The following CCDC149 variants were observed in gnomAD, a reference collection of about 807,000 sequenced individuals.
CCDC149 encodes the protein coiled-coil domain containing 149.
In CCDC149, 45 loss-of-function variants were observed where a neutral mutation model predicts 59.9. The observed-to-expected ratio is 0.75, with a 90% CI of 0.59 to 0.96. CCDC149 has a LOEUF of 0.96. Ranked by LOEUF, CCDC149 falls within the 40% of genes least tolerant of loss-of-function variation. CCDC149 has a pLI of 0.00. For missense variants in CCDC149, 584 were observed against 664.7 expected, an observed-to-expected ratio of 0.88 and a Z score of 1.33; for synonymous variants, 245 against 260.6, an observed-to-expected ratio of 0.94 and a Z score of 0.58.
chr4:24,970,091 C>T (rs373903291), intron 1 of CCDC149, among the ~76,000 whole-genome samples: 76 of 152,304 alleles, frequency 5.0e-4, no homozygotes, highest in African/African-American at 1.6e-3. Context: ...GGTGGCTGCA[C>T]TGTTATCCAG....
chr4:24,898,492 T>C (rs996927325), intron 1 of CCDC149, among the ~76,000 whole-genome samples: 1 of 152,170 alleles, frequency 6.6e-6, no homozygotes, highest in Non-Finnish European at 1.5e-5. Flanking sequence ...CTTAGGGCCA[T>C]GACTGGTCTG....
At position 24,842,762 on chromosome 4, in the gene CCDC149, A is replaced by G. The variant is rs151159776; in HGVS notation, c.373-4490T>C. ...AGTCTGTCCTCCATGAAGCCTGTCC[A>G]GGCCTCCCAAGTCAGAATGACTTGC... On this transcript the variant is annotated intron_variant, in intron 4 of 12. Transcript: ENST00000635206. Among the ~76,000 whole-genome samples, 243 of 152,294 alleles carry G rather than the reference A, an allele frequency of 1.6e-3. 1 individual carries two copies. The highest frequency in any genetic ancestry group is 5.4e-3 in the African/African-American group (225 of 41,574).
intron 1 of CCDC149, among the ~76,000 whole-genome samples, chr4:24,901,827 T>C (rs1721190048): frequency 6.6e-6 from 1 of 152,184 alleles, no homozygotes; most frequent in African/African-American, 2.4e-5. Context: ...CTTGGACTCA[T>C]TCTATTCCAT....
intron 3 of CCDC149, among the ~76,000 whole-genome samples, chr4:24,862,773 C>T (rs1280193219): frequency 6.6e-6 from 1 of 152,218 alleles, no homozygotes; most frequent in Non-Finnish European, 1.5e-5. Flanking sequence ...CGTCATCACT[C>T]AAAGCCCAAA....
chr4:24,874,246 T>G (rs1454940827), intron 2 of CCDC149, among the ~76,000 whole-genome samples: 15 of 12,830 alleles, frequency 1.2e-3, no homozygotes, highest in African/African-American at 2.6e-3. Flanking sequence ...TTAGATTTGT[T>G]TTTTTTTTTT....
At chr4:24,811,488 G>A (rs114785303) in intron 12 of CCDC149, among the ~76,000 whole-genome samples, 1,686 of 152,122 alleles carry the variant, frequency 0.011, 39 homozygotes, top group African/African-American at 0.038. Context: ...TGCTGTATTC[G>A]TTCCCTATGG....
intron 1 of CCDC149, among the ~76,000 whole-genome samples, chr4:24,957,233 A>C (rs1416604030): frequency 1.3e-5 from 2 of 152,228 alleles, no homozygotes; most frequent in Non-Finnish European, 2.9e-5. Context: ...AGGCACATCC[A>C]GGGACCTTCC....
intron 1 of CCDC149, among the ~76,000 whole-genome samples, chr4:24,964,464 T>G (rs1275315056): frequency 1.3e-5 from 2 of 152,200 alleles, no homozygotes; most frequent in African/African-American, 4.8e-5. Context: ...TATTTGAAAC[T>G]AAATAACATA....
intron 4 of CCDC149, among the ~76,000 whole-genome samples, chr4:24,838,552 T>G (rs919001066): frequency 2.0e-5 from 3 of 152,126 alleles, no homozygotes; most frequent in African/African-American, 7.2e-5. Flanking sequence ...TGGTTCCCAT[T>G]AAAATTTAGC....
intron 1 of CCDC149, among the ~76,000 whole-genome samples, chr4:24,968,534 T>A (rs553519880): frequency 2.0e-5 from 3 of 152,322 alleles, no homozygotes; most frequent in Admixed American, 1.3e-4. Flanking sequence ...TAATGCAAGA[T>A]AAGGCCATGG....
chr4:24,968,713 G>T (rs1723876701), intron 1 of CCDC149, among the ~76,000 whole-genome samples: 1 of 152,240 alleles, frequency 6.6e-6, no homozygotes, highest in Non-Finnish European at 1.5e-5. Context: ...ACCAGGTGTG[G>T]ACAGAATAGC....
intron 1 of CCDC149, among the ~76,000 whole-genome samples, chr4:24,931,564 CAGAAG>C (rs1672215070): frequency 6.6e-6 from 1 of 151,094 alleles, no homozygotes; most frequent in African/African-American, 2.4e-5. Flanking sequence ...TTCACTGCAG[CAGAAG>C]AGAAGAGAGG....
intron 12 of CCDC149, among the ~76,000 whole-genome samples, chr4:24,817,750 C>A (rs1715109007): frequency 6.6e-6 from 1 of 151,886 alleles, no homozygotes; most frequent in Non-Finnish European, 1.5e-5. Context: ...ACCCATCTGA[C>A]CCAAAGACTC....
intron 9 of CCDC149, among the ~76,000 whole-genome samples, chr4:24,824,618 T>G (rs1015305912): frequency 2.6e-5 from 4 of 152,242 alleles, no homozygotes; most frequent in Non-Finnish European, 5.9e-5. Flanking sequence ...ACAGTTTATC[T>G]CAAAGTTCTG....
chr4:24,956,636 G>A (rs924626826), intron 1 of CCDC149, among the ~76,000 whole-genome samples: 1 of 152,036 alleles, frequency 6.6e-6, no homozygotes, highest in African/African-American at 2.4e-5. Flanking sequence ...CTAGGAGATG[G>A]GAAATAAACC....
chr4:24,826,774 G>A (rs1715774837), intron 9 of CCDC149, among the ~76,000 whole-genome samples: 1 of 152,188 alleles, frequency 6.6e-6, no homozygotes. Context: ...GATGTTTCAG[G>A]ACAGTAGAGG....
chr4:24,881,394 G>A (rs867999212), intron 1 of CCDC149, among the ~76,000 whole-genome samples: 14 of 152,206 alleles, frequency 9.2e-5, no homozygotes, highest in African/African-American at 3.1e-4. Context: ...GGGGAGGTGA[G>A]AATTGCTGGG....
At chr4:24,944,403 G>T (rs1338838035) in intron 1 of CCDC149, among the ~76,000 whole-genome samples, 1 of 151,804 alleles carries the variant, frequency 6.6e-6, no homozygotes, top group East Asian at 1.9e-4. Flanking sequence ...CTGTTGTGGG[G>T]TGGGGGGATG....
At chr4:24,941,276 C>A (rs1722946602) in intron 1 of CCDC149, among the ~76,000 whole-genome samples, 1 of 152,174 alleles carries the variant, frequency 6.6e-6, no homozygotes, top group African/African-American at 2.4e-5. Flanking sequence ...GGAAACTGAA[C>A]AACCTGCTCC....
Sources: allele counts gnomAD v4.1 joint callset (sites outside exome capture counted in the v4.1 genomes callset), GRCh38; gene constraint gnomAD v4.1.1; transcripts MANE v1.5; gene names NCBI Gene and HGNC (gene_info 2026-07-23, HGNC 2026-07-21).